Variants in PKP2 observed in about 807,000 individuals in gnomAD.
PKP2 encodes plakophilin-2.
PKP2 carries 73 observed loss-of-function variants against 83.4 expected under a neutral mutation model. The ratio of observed to expected loss-of-function variants is 0.88; its 90% confidence interval spans 0.72 to 1.06. PKP2 has a LOEUF of 1.06. Ranked by LOEUF, PKP2 falls within the 50% of genes least tolerant of loss-of-function variation. The pLI, the probability that PKP2 is intolerant of heterozygous loss-of-function variation, is 0.00. For missense variants in PKP2, 966 were observed against 1,065.4 expected, an observed-to-expected ratio of 0.91 and a Z score of 1.30; for synonymous variants, 409 against 430.4, an observed-to-expected ratio of 0.95 and a Z score of 0.62.
chr12:32,823,941 C>T (rs567559189), intron 7 of PKP2, 104 bp downstream of exon 7: 1 of 791,216 alleles, frequency 1.3e-6, no homozygotes, highest in East Asian at 2.5e-5. Context: ...AGATCTTAGG[C>T]TCAGTAAATG....
At chr12:32,888,989 T>C (rs1378618101) in intron 1 of PKP2, among the ~76,000 whole-genome samples, 1 of 152,154 alleles carries the variant, frequency 6.6e-6, no homozygotes, top group African/African-American at 2.4e-5. Flanking sequence ...ATCTGTCAAA[T>C]GTATTTTCAC....
At chr12:32,868,824 A>C in intron 4 of PKP2, 103 bp downstream of exon 4, 1 of 1,349,460 alleles carries the variant, frequency 7.4e-7, no homozygotes, top group Non-Finnish European at 1.1e-6. Flanking sequence ...GCACGGTCCC[A>C]ATTTTTAAAA....
chr12:32,806,692 G>C (rs1956228865), intron 9 of PKP2, among the ~76,000 whole-genome samples: 1 of 151,944 alleles, frequency 6.6e-6, no homozygotes, highest in South Asian at 2.1e-4. Context: ...GGGTTTGTGT[G>C]TGTGTGTGTG....
At position 32,886,530 on chromosome 12, in the gene PKP2, T is replaced by A. The variant is rs557756102; in HGVS notation, c.224-7498A>T. On this transcript the variant is annotated intron_variant, in intron 1 of 12. Coordinates refer to ENST00000340811, the MANE Select transcript of PKP2 (RefSeq NM_001005242.3). ...TTTTTTTGTTTTTTGTCTGTCTGTG[T>A]TGGCATAAAACATACGATTCATTTC... Among the ~76,000 whole-genome samples, 7 of 152,380 alleles carry A rather than the reference T, an allele frequency of 4.6e-5. No individual in the cohort carries two copies. The East Asian group carries it at 1.3e-3, about 29-fold the overall frequency.
chr12:32,800,818 A>G (rs1380232671), intron 10 of PKP2, among the ~76,000 whole-genome samples: 1 of 152,188 alleles, frequency 6.6e-6, no homozygotes, highest in Non-Finnish European at 1.5e-5. Flanking sequence ...TTCTGTGTGA[A>G]ATCTGTTATT....
chr12:32,855,581 C>A (rs558150918), intron 4 of PKP2, among the ~76,000 whole-genome samples: 2 of 152,058 alleles, frequency 1.3e-5, no homozygotes, highest in South Asian at 4.2e-4. Flanking sequence ...TCGAGACCAG[C>A]CTGGCCAACA....
At chr12:32,844,407 A>G (rs1005032939) in intron 5 of PKP2, among the ~76,000 whole-genome samples, 5 of 152,228 alleles carry the variant, frequency 3.3e-5, no homozygotes, top group Non-Finnish European at 5.9e-5. Flanking sequence ...AAAGCGAAAC[A>G]CCAGTAGAAA....
intron 4 of PKP2, among the ~76,000 whole-genome samples, chr12:32,856,649 T>C (rs1430649980): frequency 6.6e-6 from 1 of 151,832 alleles, no homozygotes; most frequent in Admixed American, 6.6e-5. Context: ...ATATACCTAA[T>C]GTAAATGACG....
chr12:32,852,559 G>T (rs1355301724), intron 4 of PKP2, among the ~76,000 whole-genome samples: 2 of 152,140 alleles, frequency 1.3e-5, no homozygotes, highest in African/African-American at 4.8e-5. Context: ...ATTAAGAAGC[G>T]TCAGTATAAT....
chr12:32,852,330 ATGTACCAAGTTCTAGCCTC>A (rs1266880051), intron 4 of PKP2, among the ~76,000 whole-genome samples: 7 of 152,162 alleles, frequency 4.6e-5, no homozygotes, highest in Non-Finnish European at 1.0e-4. Flanking sequence ...CATATTTTCT[ATGTACCAAGTTCTAGCCTC>A]CCTTTCATAG....
intron 9 of PKP2, among the ~76,000 whole-genome samples, chr12:32,808,734 TG>T (rs948301391): frequency 1.3e-5 from 2 of 152,216 alleles, no homozygotes; most frequent in African/African-American, 4.8e-5. Context: ...ATGTTGTTGT[TG>T]TTTTTTTCTT....
At chr12:32,892,818 C>CAGG (rs1957085527) in intron 1 of PKP2, among the ~76,000 whole-genome samples, 1 of 20,108 alleles carries the variant, frequency 5.0e-5, no homozygotes, top group Admixed American at 5.8e-4. Context: ...GGGGTGGGGG[C>CAGG]GGGGGGGGGG....
At chr12:32,794,174 T>C (rs949271689) in intron 11 of PKP2, among the ~76,000 whole-genome samples, 5 of 152,198 alleles carry the variant, frequency 3.3e-5, no homozygotes, top group Admixed American at 2.0e-4. Flanking sequence ...TCAGCACTTA[T>C]TAGTAACCCC....
intron 1 of PKP2, among the ~76,000 whole-genome samples, chr12:32,895,237 A>G (rs942640752): frequency 2.0e-5 from 3 of 152,102 alleles, no homozygotes; most frequent in Non-Finnish European, 4.4e-5. Context: ...ACATCGCCCA[A>G]TTCTTGGCAC....
intron 1 of PKP2, among the ~76,000 whole-genome samples, chr12:32,880,361 C>G (rs1956974601): frequency 6.6e-6 from 1 of 151,994 alleles, no homozygotes; most frequent in African/African-American, 2.4e-5. Flanking sequence ...GATAGCGCCA[C>G]TGCACTCCAG....
intron 3 of PKP2, among the ~76,000 whole-genome samples, chr12:32,876,663 A>G (rs1345552314): frequency 1.3e-5 from 2 of 152,006 alleles, no homozygotes; most frequent in African/African-American, 4.8e-5. Context: ...TCGAGTAGTT[A>G]GGACCACACG....
chr12:32,871,774 A>T (rs1956898441), intron 3 of PKP2, among the ~76,000 whole-genome samples: 1 of 151,894 alleles, frequency 6.6e-6, no homozygotes, highest in Non-Finnish European at 1.5e-5. Flanking sequence ...ACATTTTTAA[A>T]TTTTTTGTAA....
intron 9 of PKP2, among the ~76,000 whole-genome samples, chr12:32,804,972 T>C (rs112003194): frequency 0.2 from 29,736 of 152,146 alleles, 3,583 homozygotes; most frequent in East Asian, 0.56. Flanking sequence ...TGTTGTTTTT[T>C]TGACTTTTTA....
intron 7 of PKP2, among the ~76,000 whole-genome samples, chr12:32,823,701 T>C (rs1295596885): frequency 6.6e-6 from 1 of 151,698 alleles, no homozygotes; most frequent in Non-Finnish European, 1.5e-5. Context: ...CTGGGGTTCA[T>C]GCCATTCTCC....
Sources: gnomAD v4.1 joint callset for allele counts (sites outside exome capture counted in the v4.1 genomes callset) on GRCh38, gnomAD v4.1.1 for gene constraint, MANE v1.5 for transcripts, NCBI Gene and HGNC (gene_info 2026-07-23, HGNC 2026-07-21) for gene names.